Variants in REDIC1 observed in about 807,000 individuals in gnomAD.
The protein encoded by REDIC1 is HEI10 Interacting Protein 1.
the REDIC1 span, among the ~76,000 whole-genome samples, chr12:39,748,913 T>C: frequency 0.14 from 20,836 of 152,058 alleles, 1,692 homozygotes; most frequent in East Asian, 0.39. Flanking sequence ...GGGACACATT[T>C]AAAGCAGTGT....
At chr12:39,670,632 A>G in the REDIC1 span, among the ~76,000 whole-genome samples, 1 of 152,202 alleles carries the variant, frequency 6.6e-6, no homozygotes, top group Non-Finnish European at 1.5e-5. Flanking sequence ...TATTTTATCA[A>G]ATAGGTTTTC....
the REDIC1 span, among the ~76,000 whole-genome samples, chr12:39,778,275 C>G: frequency 1.4e-4 from 21 of 152,214 alleles, no homozygotes; most frequent in African/African-American, 4.1e-4. Flanking sequence ...AGTCTCAGAG[C>G]AAAACTGTAA....
chr12:39,843,137 A>G, the REDIC1 span, among the ~76,000 whole-genome samples: 2 of 152,034 alleles, frequency 1.3e-5, no homozygotes, highest in African/African-American at 4.8e-5. Flanking sequence ...TATATGCCCA[A>G]GGGTGGAATT....
At chr12:39,712,864 CACGTATAT>C in the REDIC1 span, among the ~76,000 whole-genome samples, 3 of 13,724 alleles carry the variant, frequency 2.2e-4, no homozygotes, top group South Asian at 7.0e-3. Context: ...TATGTATATA[CACGTATAT>C]ACACGTATAT....
At chr12:39,852,486 T>C in the REDIC1 span, among the ~76,000 whole-genome samples, 1 of 152,244 alleles carries the variant, frequency 6.6e-6, no homozygotes, top group South Asian at 2.1e-4. Context: ...GACTTGTTCA[T>C]TGATCATGAC....
the REDIC1 span, among the ~76,000 whole-genome samples, chr12:39,905,288 T>C: frequency 5.9e-5 from 9 of 152,268 alleles, no homozygotes; most frequent in African/African-American, 2.2e-4. Context: ...CTTGCTGCTC[T>C]GGCTGCTCTC....
chr12:39,710,363 C>A, the REDIC1 span, among the ~76,000 whole-genome samples: 2 of 151,836 alleles, frequency 1.3e-5, no homozygotes, highest in African/African-American at 4.8e-5. Flanking sequence ...TATTTGAAAG[C>A]CTTCTTGAAA....
the REDIC1 span, among the ~76,000 whole-genome samples, chr12:39,898,836 G>C: frequency 1.3e-5 from 2 of 152,074 alleles, no homozygotes; most frequent in Non-Finnish European, 2.9e-5. Context: ...CACACATTTT[G>C]GATGTTTAAA....
the REDIC1 span, among the ~76,000 whole-genome samples, chr12:39,766,688 G>A: frequency 2.0e-5 from 3 of 152,194 alleles, no homozygotes; most frequent in South Asian, 6.2e-4. Context: ...TGTCAACTAA[G>A]TTCGTGTGAT....
chr12:39,760,915 G>A, the REDIC1 span, among the ~76,000 whole-genome samples: 2 of 40,626 alleles, frequency 4.9e-5, no homozygotes, highest in African/African-American at 7.3e-5. Context: ...ATTGAATTCC[G>A]ACCAGCCTGG....
the REDIC1 span, among the ~76,000 whole-genome samples, chr12:39,751,659 C>T: frequency 6.6e-6 from 1 of 152,146 alleles, no homozygotes; most frequent in Admixed American, 6.5e-5. Context: ...ACCCAAATGT[C>T]CATCAATGAT....
At chr12:39,745,653 A>G in the REDIC1 span, among the ~76,000 whole-genome samples, 7 of 152,224 alleles carry the variant, frequency 4.6e-5, no homozygotes, top group Non-Finnish European at 7.3e-5. Context: ...ATTTTTTATT[A>G]TTAGATTTTC....
the REDIC1 span, among the ~76,000 whole-genome samples, chr12:39,842,291 A>G: frequency 6.6e-6 from 1 of 152,136 alleles, no homozygotes; most frequent in Non-Finnish European, 1.5e-5. Flanking sequence ...ATCCTGGTGA[A>G]GTATGCAGGA....
chr12:39,790,233 A>G, the REDIC1 span, among the ~76,000 whole-genome samples: 1 of 107,320 alleles, frequency 9.3e-6, no homozygotes, highest in African/African-American at 3.5e-5. Flanking sequence ...TTCTTTTTTT[A>G]TTATACTTTA....
chr12:39,723,288 C>T, the REDIC1 span, among the ~76,000 whole-genome samples: 91 of 152,090 alleles, frequency 6.0e-4, no homozygotes, highest in Non-Finnish European at 1.1e-3. Context: ...GTCCTTCTAA[C>T]GAATTACCAA....
the REDIC1 span, among the ~76,000 whole-genome samples, chr12:39,639,070 A>G: frequency 6.6e-6 from 1 of 151,972 alleles, no homozygotes; most frequent in African/African-American, 2.4e-5. Context: ...TACTTTTTAT[A>G]TTTCTGAACT....
the REDIC1 span, among the ~76,000 whole-genome samples, chr12:39,828,215 A>C: frequency 6.6e-6 from 1 of 152,176 alleles, no homozygotes. Flanking sequence ...TCCACCTAGA[A>C]GGAGCACCGT....
At chr12:39,645,105 A>G in the REDIC1 span, among the ~76,000 whole-genome samples, 1 of 152,022 alleles carries the variant, frequency 6.6e-6, no homozygotes, top group East Asian at 1.9e-4. Flanking sequence ...TCTTCCAAGT[A>G]TAACCAGAGC....
the REDIC1 span, among the ~76,000 whole-genome samples, chr12:39,750,078 C>A: frequency 6.6e-6 from 1 of 152,160 alleles, no homozygotes; most frequent in African/African-American, 2.4e-5. Context: ...GGCAATCAGG[C>A]AGGAGAAAGA....
Sources: allele counts gnomAD v4.1 joint callset (sites outside exome capture counted in the v4.1 genomes callset), GRCh38; gene constraint gnomAD v4.1.1; transcripts MANE v1.5; gene names NCBI Gene and HGNC (gene_info 2026-07-23, HGNC 2026-07-21).